ZEB1: variants seen among roughly 807,000 people sequenced by gnomAD.
The protein encoded by ZEB1 is zinc finger E-box binding homeobox 1.
In ZEB1, 21 loss-of-function variants were observed where a neutral mutation model predicts 84.9. That is an observed-to-expected ratio of 0.25 (90% CI 0.18 to 0.36). The LOEUF is 0.36. Among genes scored for constraint, ZEB1 ranks in the 10% least tolerant of loss-of-function variants. The probability of loss-of-function intolerance (pLI) is 1.00; values close to 1 mark genes in which losing one functional copy is unlikely to be tolerated. For missense variants in ZEB1, 1,104 were observed against 1,330.2 expected (o/e 0.83, Z 2.65); for synonymous variants, 420 against 471.1 (o/e 0.89, Z 1.41).
rs781060154 is a variant in ZEB1, at chr10:31,521,705, A to G, written c.2373A>G (p.Val791=). 8 of 1,614,064 alleles carry G rather than the reference A, an allele frequency of 5.0e-6. No individual in the cohort carries two copies. The African/African-American group carries it at 9.3e-5, about 19-fold the overall frequency. Residue 791 remains valine, a synonymous_variant, in exon 7 of 9, where the codon GTA becomes GTG. Coordinates refer to ENST00000424869, the MANE Select transcript of ZEB1 (RefSeq NM_001174096.2). ...GTGTTACAGACTCAGAACCAGTTGT[A>G]AATGTAATCCCACCAAGTGCCAACC... is the stretch of plus-strand genomic sequence containing the variant. ...DSCVTDSEPV[V]NVIPPSANPI...
At chr10:31,334,422 A>G (rs77968218) in intron 1 of ZEB1, among the ~76,000 whole-genome samples, 4,896 of 152,210 alleles carry the variant, frequency 0.032, 242 homozygotes, top group African/African-American at 0.11. Flanking sequence ...TTGTAATGAT[A>G]GCAGTAAATT....
intron 1 of ZEB1, among the ~76,000 whole-genome samples, chr10:31,400,016 G>T (rs2051630013): frequency 6.6e-6 from 1 of 152,128 alleles, no homozygotes; most frequent in African/African-American, 2.4e-5. Flanking sequence ...TCAATTTAAT[G>T]AAGCTTTCTT....
At chr10:31,444,233 G>C (rs2059452105) in intron 1 of ZEB1, among the ~76,000 whole-genome samples, 1 of 109,804 alleles carries the variant, frequency 9.1e-6, no homozygotes, top group Non-Finnish European at 1.8e-5. Flanking sequence ...GTCTGTTCAT[G>C]TCCTTCACCC....
rs977077514 is a variant in ZEB1 at position 31,477,167 on chromosome 10, G to C, written c.259+15930G>C. On this transcript the variant is annotated intron_variant, in intron 2 of 8. Coordinates refer to ENST00000424869, the MANE Select transcript of ZEB1 (RefSeq NM_001174096.2). ...GCCCCCATACCTAGAAAATCCTAAA[G>C]ACTCCTAGACTTGATAAACAACTTC... Among the ~76,000 whole-genome samples the C allele has an allele frequency of 2.6e-5, 4 of 151,868 alleles. No individual in the cohort carries two copies. In the East Asian group the frequency reaches 7.7e-4, roughly 29 times the overall value.
At chr10:31,324,249 C>G (rs1312627810) in intron 1 of ZEB1, among the ~76,000 whole-genome samples, 2 of 152,098 alleles carry the variant, frequency 1.3e-5, no homozygotes, top group African/African-American at 4.8e-5. Context: ...CTTCCTTTCT[C>G]TAGTCTCTAG....
chr10:31,510,588 G>T, intron 4 of ZEB1, 85 bp from the exon 5 acceptor site: 1 of 1,096,450 alleles, frequency 9.1e-7, no homozygotes, highest in Non-Finnish European at 1.4e-6. Flanking sequence ...CACAATATCT[G>T]GAACATAGCA....
At chr10:31,511,434 G>A (rs1195218626) in intron 5 of ZEB1, among the ~76,000 whole-genome samples, 1 of 151,844 alleles carries the variant, frequency 6.6e-6, no homozygotes, top group Non-Finnish European at 1.5e-5. Flanking sequence ...CTACTTCTGT[G>A]TCACTGTGCC....
At position 31,514,695 on chromosome 10, in the gene ZEB1, A is replaced by C; in HGVS notation, c.780A>C (p.Leu260Phe). The change falls in exon 6 of 9, where the codon TTA becomes TTC. Residue 260 changes from leucine to phenylalanine, a missense_variant. Transcript: ENST00000424869. ...FKYKHHLKEH[L>F]RIHSGEKPYE... ...ACAAACATCACCTAAAAGAGCACTT[A>C]AGAATTCACAGTGGTAAATATTTTT... The C allele has an allele frequency of 6.2e-7, 1 of 1,612,054 alleles. No individual in the cohort carries two copies. The highest frequency in any genetic ancestry group is 8.5e-7 in the Non-Finnish European group (1 of 1,178,600).
intron 1 of ZEB1, chr10:31,373,116 A>C (rs1052871614): frequency 2.0e-6 from 2 of 985,540 alleles, no homozygotes; most frequent in African/African-American, 3.5e-5. Context: ...TGTCTGCTTG[A>C]CATAGGAAAG....
intron 1 of ZEB1, among the ~76,000 whole-genome samples, chr10:31,412,859 G>A (rs1591000431): frequency 2.6e-5 from 4 of 152,124 alleles, no homozygotes; most frequent in South Asian, 2.1e-4. Context: ...TTCATCCAGC[G>A]AAGGTGGTAA....
chr10:31,368,894 A>G (rs1025730363), intron 1 of ZEB1, among the ~76,000 whole-genome samples: 8 of 152,204 alleles, frequency 5.3e-5, no homozygotes, highest in South Asian at 2.1e-4. Flanking sequence ...GTGTTGCCTA[A>G]TAAGTGCTCT....
At chr10:31,319,583 GCCGCCGCATCC>G (rs984144821) in intron 1 of ZEB1, 3 of 397,614 alleles carry the variant, frequency 7.5e-6, no homozygotes, top group Non-Finnish European at 1.3e-5. Context: ...CGGCGCCGAC[GCCGCCGCATCC>G]CCGGCGCAGG....
intron 1 of ZEB1, among the ~76,000 whole-genome samples, chr10:31,373,339 G>A (rs530558748): frequency 8.6e-5 from 13 of 151,820 alleles, no homozygotes; most frequent in African/African-American, 2.9e-4. Flanking sequence ...TATATGCAAA[G>A]AATGGTTTTA....
chr10:31,330,861 A>G (rs76655359), intron 1 of ZEB1, among the ~76,000 whole-genome samples: 2,684 of 151,684 alleles, frequency 0.018, 47 homozygotes, highest in South Asian at 0.036. Flanking sequence ...TTTATCACCT[A>G]TTCCTATTCC....
At chr10:31,508,622 A>G (rs1334563948) in intron 4 of ZEB1, among the ~76,000 whole-genome samples, 2 of 152,064 alleles carry the variant, frequency 1.3e-5, no homozygotes, top group Admixed American at 6.6e-5. Flanking sequence ...GGGAGGAGGT[A>G]AGCTGGGCCA....
intron 1 of ZEB1, among the ~76,000 whole-genome samples, chr10:31,405,962 C>T (rs776063604): frequency 6.6e-6 from 1 of 152,040 alleles, no homozygotes; most frequent in African/African-American, 2.4e-5. Context: ...TCTGTTCCTG[C>T]GTTAGTTTGC....
intron 1 of ZEB1, chr10:31,355,049 T>C (rs1405806251): frequency 6.6e-6 from 1 of 152,202 alleles, no homozygotes; most frequent in Non-Finnish European, 1.5e-5. Context: ...TCTTTTGATA[T>C]CTTTGGTAAG....
intron 1 of ZEB1, among the ~76,000 whole-genome samples, chr10:31,411,654 AAAG>A (rs1161034310): frequency 6.6e-6 from 1 of 150,936 alleles, no homozygotes; most frequent in Non-Finnish European, 1.5e-5. Flanking sequence ...AAAAAAAAAA[AAAG>A]CAGCATTAGG....
intron 1 of ZEB1, among the ~76,000 whole-genome samples, chr10:31,435,709 A>G (rs894589369): frequency 3.2e-4 from 48 of 152,176 alleles, no homozygotes; most frequent in African/African-American, 1.1e-3. Context: ...GAATGAATAG[A>G]ATAGTGGAAA....
Sources: allele counts gnomAD v4.1 joint callset (sites outside exome capture counted in the v4.1 genomes callset), GRCh38; gene constraint gnomAD v4.1.1; transcripts MANE v1.5; gene names NCBI Gene and HGNC (gene_info 2026-07-23, HGNC 2026-07-21).